ANKRD12: variants seen among roughly 807,000 people sequenced by gnomAD.
The protein encoded by ANKRD12 is ankyrin repeat domain 12.
ANKRD12 carries 85 observed loss-of-function variants against 183.4 expected under a neutral mutation model. The ratio of observed to expected loss-of-function variants is 0.46; its 90% CI spans 0.39 to 0.56. The LOEUF (loss-of-function observed/expected upper bound fraction) is 0.56, where lower values mean the gene tolerates loss of function less well. ANKRD12 is among the 20% of genes least tolerant of loss of function. The probability of loss-of-function intolerance (pLI) is 0.00; values close to 1 mark genes in which losing one functional copy is unlikely to be tolerated. For missense variants in ANKRD12, 2,405 were observed against 2,357.1 expected (o/e 1.02, Z -0.42); for synonymous variants, 914 against 800.2 (o/e 1.14, Z -2.40).
intron 8 of ANKRD12, 136 bp from the exon 9 acceptor site, chr18:9,254,075 A>C: frequency 9.7e-7 from 1 of 1,030,284 alleles, no homozygotes; most frequent in South Asian, 3.0e-5. Flanking sequence ...CATTATTTCC[A>C]TATAAATCTG....
intron 8 of ANKRD12, 125 bp downstream of exon 8, chr18:9,222,124 T>A (rs2036454748): frequency 1.1e-5 from 13 of 1,183,598 alleles, no homozygotes; most frequent in Middle Eastern, 2.9e-4. Flanking sequence ...GCTAGAATAA[T>A]GCTTAGCTAA....
chr18:9,234,013 G>C (rs2037201248), intron 8 of ANKRD12, among the ~76,000 whole-genome samples: 1 of 152,156 alleles, frequency 6.6e-6, no homozygotes, highest in Non-Finnish European at 1.5e-5. Context: ...TGGATTCTAA[G>C]TAGTGAATGC....
chr18:9,235,595 T>C (rs1334357244), intron 8 of ANKRD12: 4 of 456,102 alleles, frequency 8.8e-6, no homozygotes, highest in South Asian at 6.2e-5. Context: ...ACTCCTGCTA[T>C]GGCCTTATCA....
intron 8 of ANKRD12, chr18:9,249,856 T>A (rs1486738164): frequency 6.6e-6 from 1 of 152,100 alleles, no homozygotes; most frequent in African/African-American, 2.4e-5. Flanking sequence ...TAAATATGCA[T>A]GGAATTTTGG....
chr18:9,186,892 C>A (rs553418980), intron 2 of ANKRD12, among the ~76,000 whole-genome samples: 1 of 151,748 alleles, frequency 6.6e-6, no homozygotes. Context: ...GCTGGGACTA[C>A]AGGTGCCCGC....
intron 8 of ANKRD12, among the ~76,000 whole-genome samples, chr18:9,240,097 T>G (rs573717924): frequency 2.0e-5 from 3 of 152,224 alleles, no homozygotes; most frequent in Non-Finnish European, 4.4e-5. Flanking sequence ...ATTTCCATGT[T>G]TGGTACCAGC....
intron 1 of ANKRD12, among the ~76,000 whole-genome samples, chr18:9,154,102 T>C (rs1598403080): frequency 6.6e-6 from 1 of 152,124 alleles, no homozygotes; most frequent in Admixed American, 6.6e-5. Context: ...AGGGCGGTGA[T>C]ATAATTTGAT....
chr18:9,265,462 G>C (rs1317036442), intron 10 of ANKRD12, among the ~76,000 whole-genome samples: 2 of 152,178 alleles, frequency 1.3e-5, no homozygotes, highest in African/African-American at 4.8e-5. Flanking sequence ...AACATTTGCT[G>C]TTCACCAATA....
intron 8 of ANKRD12, among the ~76,000 whole-genome samples, chr18:9,230,251 G>A (rs1203845458): frequency 6.6e-6 from 1 of 152,050 alleles, no homozygotes; most frequent in African/African-American, 2.4e-5. Context: ...TTCCCTCTAG[G>A]TTTTTCAGTT....
chr18:9,270,325 G>A (rs984360356), intron 10 of ANKRD12, among the ~76,000 whole-genome samples: 4 of 152,142 alleles, frequency 2.6e-5, no homozygotes, highest in African/African-American at 9.7e-5. Context: ...TATGTTTATT[G>A]CGGCACTATT....
At chr18:9,154,363 G>A (rs80023061) in intron 1 of ANKRD12, among the ~76,000 whole-genome samples, 2,223 of 152,228 alleles carry the variant, frequency 0.015, 58 homozygotes, top group African/African-American at 0.051. Flanking sequence ...AGTGCACCAT[G>A]ATCATGCCAC....
At chr18:9,143,123 C>A (rs540404643) in intron 1 of ANKRD12, among the ~76,000 whole-genome samples, 27 of 152,174 alleles carry the variant, frequency 1.8e-4, no homozygotes, top group Admixed American at 3.3e-4. Context: ...AAAAGAACTT[C>A]TATTGAGCTT....
At chr18:9,139,500 CT>C (rs1373608370) in intron 1 of ANKRD12, among the ~76,000 whole-genome samples, 1 of 152,146 alleles carries the variant, frequency 6.6e-6, no homozygotes, top group African/African-American at 2.4e-5. Flanking sequence ...GACACGTAAA[CT>C]TTTCTTTAAA....
Position 9,255,578 on chromosome 18 carries a change from A to G in ANKRD12, c.2311A>G (p.Lys771Glu), listed in dbSNP as rs1304844025. ...TAGGGAGGAAAAAATAAAAGATCTAAAAGAAGAGAGAGAAAACATACCCAC... is the reference window on the plus strand; with the variant it reads ...TAGGGAGGAAAAAATAAAAGATCTAGAAGAAGAGAGAGAAAACATACCCAC... Reference protein sequence around the residue: ...SFREEKIKDLKEERENIPTDK... With the variant: ...SFREEKIKDLEEERENIPTDK... Residue 771 changes from lysine to glutamate, a missense_variant, in exon 9 of 13, where the codon AAA becomes GAA. By Grantham distance (56) the Lys-to-Glu change is moderately conservative (BLOSUM62 1). Coordinates refer to ENST00000262126, the MANE Select transcript of ANKRD12 (RefSeq NM_015208.5). 1.3e-6 allele frequency: 2 copies of G among 1,569,340 alleles called. No individual in the cohort carries two copies. The highest frequency in any genetic ancestry group is 1.7e-6 in the Non-Finnish European group (2 of 1,168,506).
At chr18:9,263,981 A>T in intron 10 of ANKRD12, 93 bp downstream of exon 10, 1 of 1,076,524 alleles carries the variant, frequency 9.3e-7, no homozygotes, top group Non-Finnish European at 1.2e-6. Flanking sequence ...GTGGATTTTT[A>T]AAATTTAGAA....
intron 1 of ANKRD12, among the ~76,000 whole-genome samples, chr18:9,142,554 A>C (rs1163529875): frequency 6.6e-6 from 1 of 152,216 alleles, no homozygotes; most frequent in African/African-American, 2.4e-5. Context: ...AGTAGAGGTA[A>C]ACATTAAAAA....
At chr18:9,139,366 T>C (rs190396757) in intron 1 of ANKRD12, among the ~76,000 whole-genome samples, 26 of 152,316 alleles carry the variant, frequency 1.7e-4, no homozygotes, top group Non-Finnish European at 3.5e-4. Flanking sequence ...TGACTGATAC[T>C]CTTTTGAAGT....
At chr18:9,218,898 C>T (rs975112419) in intron 7 of ANKRD12, among the ~76,000 whole-genome samples, 4 of 151,940 alleles carry the variant, frequency 2.6e-5, no homozygotes, top group Non-Finnish European at 5.9e-5. Context: ...TGAGCTCAAG[C>T]GATCCTCCTG....
chr18:9,262,787 C>CTTTTTTTTTTTT (rs71168048), intron 9 of ANKRD12, among the ~76,000 whole-genome samples: 1 of 83,774 alleles, frequency 1.2e-5, no homozygotes, highest in African/African-American at 5.7e-5. Context: ...CAAGATGTCC[C>CTTTTTTTTTTTT]TTTTTTTTTT....
Sources: allele counts gnomAD v4.1 joint callset (sites outside exome capture counted in the v4.1 genomes callset), GRCh38; gene constraint gnomAD v4.1.1; transcripts MANE v1.5; gene names NCBI Gene and HGNC (gene_info 2026-07-23, HGNC 2026-07-21).